Variants in PIGN observed in about 807,000 individuals in gnomAD.
PIGN encodes GPI ethanolamine phosphate transferase 1.
A neutral mutation model predicts 125.4 loss-of-function variants in PIGN; 117 were observed. The ratio of observed to expected loss-of-function variants is 0.93; its 90% CI spans 0.80 to 1.09. PIGN has a LOEUF of 1.09. PIGN is among the 50% of genes least tolerant of loss of function. The probability of loss-of-function intolerance (pLI) is 0.00; values close to 1 mark genes in which losing one functional copy is unlikely to be tolerated. For synonymous variants in PIGN, 392 were observed against 377.8 expected (o/e 1.04, Z -0.44); for missense variants, 1,075 against 1,094.9 (o/e 0.98, Z 0.26).
chr18:62,084,152 G>C (rs2033578647), intron 27 of PIGN, among the ~76,000 whole-genome samples: 3 of 152,266 alleles, frequency 2.0e-5, no homozygotes, highest in Admixed American at 1.3e-4. Context: ...TGAATGAATT[G>C]ATCAATTCCA....
At chr18:62,102,151 T>C (rs1340102415) in intron 21 of PIGN, among the ~76,000 whole-genome samples, 2 of 151,456 alleles carry the variant, frequency 1.3e-5, no homozygotes, top group African/African-American at 4.9e-5. Context: ...CACTTGAACC[T>C]GGAAGGCAGG....
chr18:62,118,950 A>C (rs2035193043), intron 14 of PIGN, among the ~76,000 whole-genome samples: 1 of 151,988 alleles, frequency 6.6e-6, no homozygotes, highest in African/African-American at 2.4e-5. Context: ...GCTAAGAAGA[A>C]TGTCCCTGAA....
intron 4 of PIGN, among the ~76,000 whole-genome samples, chr18:62,160,783 A>T (rs1216063190): frequency 6.6e-6 from 1 of 152,242 alleles, no homozygotes; most frequent in African/African-American, 2.4e-5. Context: ...TGCTGGGATT[A>T]CAGGCGTGAG....
chr18:62,018,930 T>C (rs17069296), intron 23 of PIGN, among the ~76,000 whole-genome samples: 9,792 of 152,158 alleles, frequency 0.064, 543 homozygotes, highest in East Asian at 0.29. Flanking sequence ...AGAAAAAGCA[T>C]TGGAGGCTGG....
intron 23 of PIGN, among the ~76,000 whole-genome samples, chr18:62,091,073 G>C (rs1249984438): frequency 6.6e-6 from 1 of 152,182 alleles, no homozygotes; most frequent in African/African-American, 2.4e-5. Context: ...GTGTTGGCCA[G>C]GCGTGGTGGT....
intron 23 of PIGN, among the ~76,000 whole-genome samples, chr18:62,023,611 A>G (rs1482090471): frequency 6.6e-6 from 1 of 152,066 alleles, no homozygotes; most frequent in Non-Finnish European, 1.5e-5. Context: ...CTGTAACTCA[A>G]TTTACATTTG....
At chr18:62,144,701 G>A (rs1335078514) in intron 10 of PIGN, among the ~76,000 whole-genome samples, 1 of 152,158 alleles carries the variant, frequency 6.6e-6, no homozygotes, top group Non-Finnish European at 1.5e-5. Context: ...ATAAATGTAT[G>A]GTGAATCTGG....
intron 16 of PIGN, among the ~76,000 whole-genome samples, chr18:62,111,023 T>C (rs1345723909): frequency 2.6e-5 from 4 of 151,818 alleles, no homozygotes; most frequent in Non-Finnish European, 5.9e-5. Flanking sequence ...ATTGTATTAT[T>C]TCTTATCAGT....
intron 23 of PIGN, among the ~76,000 whole-genome samples, chr18:62,023,184 A>G (rs1052432138): frequency 6.6e-6 from 1 of 152,106 alleles, no homozygotes; most frequent in African/African-American, 2.4e-5. Context: ...ATTTCAAAAC[A>G]TTTTCATCAC....
chr18:62,046,940 G>T (rs1428046467), intron 30 of PIGN, among the ~76,000 whole-genome samples: 1 of 152,156 alleles, frequency 6.6e-6, no homozygotes, highest in Non-Finnish European at 1.5e-5. Flanking sequence ...GGGACCCAAA[G>T]AATTTCCTGA....
At chr18:62,116,862 GA>G (rs2035105660) in intron 14 of PIGN, among the ~76,000 whole-genome samples, 1 of 151,660 alleles carries the variant, frequency 6.6e-6, no homozygotes, top group Non-Finnish European at 1.5e-5. Flanking sequence ...AAAAAGAAAG[GA>G]AAAAAAGCTT....
At chr18:62,078,769 C>A (rs184939076) in intron 28 of PIGN, among the ~76,000 whole-genome samples, 1 of 152,170 alleles carries the variant, frequency 6.6e-6, no homozygotes, top group African/African-American at 2.4e-5. Flanking sequence ...CTCGTAAATA[C>A]CTTTTTATTC....
chr18:62,161,241 G>A lies in PIGN; in HGVS notation c.113C>T (p.Pro38Leu), dbSNP rs765718349. 6.2e-7 allele frequency: 1 copy of A among 1,613,532 alleles called. No homozygotes were observed. The highest frequency in any genetic ancestry group is 1.1e-5 in the South Asian group (1 of 91,070). Residue 38 changes from proline to leucine, a missense_variant, in exon 4 of 31, where the codon CCA becomes CTA. By Grantham distance (98) the Pro-to-Leu change is moderately conservative (BLOSUM62 -3). This residue lies in a region of PIGN where 152 missense variants were observed against 162.9 expected (regional missense o/e 0.93). Coordinates refer to ENST00000640252, the MANE Select transcript of PIGN (RefSeq NM_176787.5). ...TAATCTTCTCGCTGGAGGAGGCAAT[G>A]GTGTAAACTGAGGAGTCATTCCATG... is the stretch of plus-strand genomic sequence containing the variant. ...LVHGMTPQFT[P>L]LPPPARRLVL...
At chr18:62,069,341 T>C (rs1245052091) in intron 30 of PIGN, 3 of 152,218 alleles carry the variant, frequency 2.0e-5, no homozygotes, top group Non-Finnish European at 4.4e-5. Flanking sequence ...GGCACCTGTT[T>C]AGAGTCAAAC....
At chr18:62,155,271 A>G (rs570220699) in intron 6 of PIGN, among the ~76,000 whole-genome samples, 14 of 152,282 alleles carry the variant, frequency 9.2e-5, no homozygotes, top group Admixed American at 8.5e-4. Context: ...CTTGCAGGTA[A>G]TAAGAAAGAG....
In PIGN at chr18:62,100,867, T is replaced by G. The variant is rs566952981; in HGVS notation, c.2077+208A>C. Reference sequence around the variant, plus strand: ...TAGCTTTATTATCAGCTCATAAATATTCTATCAAATTATCTTGTTAACACA... The same window carrying G: ...TAGCTTTATTATCAGCTCATAAATAGTCTATCAAATTATCTTGTTAACACA... On this transcript the variant is annotated intron_variant, in intron 22 of 30. Transcript: ENST00000640252. Among the ~76,000 whole-genome samples the G allele has an allele frequency of 1.4e-4, 22 of 152,346 alleles. No individual in the cohort carries two copies. In the East Asian group the frequency reaches 4.0e-3, roughly 28 times the overall value.
intron 24 of PIGN, 72 bp from the exon 25 acceptor site, chr18:62,088,914 C>T (rs977196243): frequency 1.2e-6 from 1 of 822,632 alleles, no homozygotes; most frequent in African/African-American, 1.7e-5. Context: ...GGCAAACTTA[C>T]AATGGCTAAG....
intron 11 of PIGN, among the ~76,000 whole-genome samples, chr18:62,142,145 C>A (rs1347359765): frequency 3.3e-5 from 5 of 152,198 alleles, no homozygotes; most frequent in Non-Finnish European, 7.3e-5. Flanking sequence ...CTGTTCTTAC[C>A]CCTAAGGTAT....
chr18:62,147,871 TAA>T (rs2036391480), intron 8 of PIGN, among the ~76,000 whole-genome samples: 1 of 152,160 alleles, frequency 6.6e-6, no homozygotes, highest in Non-Finnish European at 1.5e-5. Flanking sequence ...TTTGGTGATA[TAA>T]AAGTTAATAC....
Sources: gnomAD v4.1 joint callset for allele counts (sites outside exome capture counted in the v4.1 genomes callset) on GRCh38, gnomAD v4.1.1 for gene constraint, gnomAD v4.1.1 regional missense constraint, MANE v1.5 for transcripts, NCBI Gene and HGNC (gene_info 2026-07-23, HGNC 2026-07-21) for gene names.